CAP2: variants seen among roughly 807,000 people sequenced by gnomAD.
CAP2 encodes cyclase associated actin cytoskeleton regulatory protein 2, also known as adenylyl cyclase-associated protein 2.
Under a neutral mutation model 57.7 loss-of-function variants are expected in CAP2, and 24 were observed. That is an observed-to-expected ratio of 0.42 (90% CI 0.30 to 0.58). CAP2 has a LOEUF of 0.58. Among genes scored for constraint, CAP2 ranks in the 20% least tolerant of loss-of-function variants. The pLI is 0.22. For synonymous variants in CAP2, 194 were observed against 207.2 expected (o/e 0.94, Z 0.55); for missense variants, 501 against 590.3 (o/e 0.85, Z 1.57).
chr6:17,476,875 T>C (rs943611184), intron 4 of CAP2, among the ~76,000 whole-genome samples: 2 of 138,488 alleles, frequency 1.4e-5, no homozygotes, highest in African/African-American at 2.7e-5. Context: ...TTTTTTTTTT[T>C]TTTTTTTTTT....
chr6:17,456,318 A>G (rs1760570011), intron 3 of CAP2, among the ~76,000 whole-genome samples: 1 of 152,240 alleles, frequency 6.6e-6, no homozygotes. Context: ...CTGAAAAGAT[A>G]CAGAAACGGG....
At chr6:17,438,779 CTT>C (rs57945613) in intron 3 of CAP2, among the ~76,000 whole-genome samples, 91,996 of 142,816 alleles carry the variant, frequency 0.64, 31,091 homozygotes, top group East Asian at 0.86. Context: ...ATAAACATAT[CTT>C]TTTTTTTTAT....
At chr6:17,523,004 G>A (rs1762424708) in intron 7 of CAP2, among the ~76,000 whole-genome samples, 2 of 152,144 alleles carry the variant, frequency 1.3e-5, no homozygotes, top group African/African-American at 2.4e-5. Flanking sequence ...AAAGTGCTGG[G>A]ATTACAGGTG....
chr6:17,450,540 T>A (rs1760376348), intron 3 of CAP2, among the ~76,000 whole-genome samples: 1 of 152,244 alleles, frequency 6.6e-6, no homozygotes, highest in South Asian at 2.1e-4. Flanking sequence ...TGGAGCTGTT[T>A]CTTATTGTCA....
intron 3 of CAP2, among the ~76,000 whole-genome samples, chr6:17,444,223 A>G (rs970558001): frequency 5.9e-5 from 9 of 152,226 alleles, no homozygotes; most frequent in Non-Finnish European, 1.2e-4. Flanking sequence ...TTCTAAATAC[A>G]TAAGTGAAAA....
chr6:17,465,871 A>G (rs1561793447), intron 4 of CAP2, among the ~76,000 whole-genome samples: 1 of 152,120 alleles, frequency 6.6e-6, no homozygotes, highest in African/African-American at 2.4e-5. Context: ...CCTCCCCCAT[A>G]TGGCCAGTGT....
At chr6:17,477,940 C>T (rs1005139322) in intron 4 of CAP2, among the ~76,000 whole-genome samples, 4 of 150,082 alleles carry the variant, frequency 2.7e-5, no homozygotes, top group African/African-American at 9.7e-5. Flanking sequence ...AGAGTTTTAA[C>T]TTATATAATT....
intron 3 of CAP2, among the ~76,000 whole-genome samples, chr6:17,456,529 AG>A (rs1760576160): frequency 2.0e-5 from 3 of 152,128 alleles, no homozygotes; most frequent in Admixed American, 2.0e-4. Context: ...GGTAGAGTAG[AG>A]GACCCTAAAC....
At chr6:17,421,278 G>A (rs1759436993) in intron 1 of CAP2, among the ~76,000 whole-genome samples, 1 of 152,022 alleles carries the variant, frequency 6.6e-6, no homozygotes, top group African/African-American at 2.4e-5. Context: ...CTACACATTG[G>A]GTACAGTGTA....
intron 2 of CAP2, among the ~76,000 whole-genome samples, chr6:17,423,645 T>A (rs1456552912): frequency 6.6e-6 from 1 of 152,148 alleles, no homozygotes; most frequent in Non-Finnish European, 1.5e-5. Flanking sequence ...TCTCAATAAT[T>A]TGAACCTCAC....
At chr6:17,425,474 C>G (rs1022377191) in intron 2 of CAP2, among the ~76,000 whole-genome samples, 2 of 152,080 alleles carry the variant, frequency 1.3e-5, no homozygotes, top group East Asian at 1.9e-4. Context: ...TCCTCCTTGC[C>G]CAGAGTTCAT....
At position 17,527,339 on chromosome 6, in the gene CAP2, T is replaced by C. The variant is rs373985023; in HGVS notation, c.637-11930T>C. Among the ~76,000 whole-genome samples, 138 of 152,306 alleles carry C rather than the reference T, an allele frequency of 9.1e-4. 5 individuals carry two copies. In the South Asian group the frequency reaches 0.028, roughly 31 times the overall value. On this transcript the variant is annotated intron_variant, in intron 7 of 12. Transcript: ENST00000229922. The stretch of plus-strand genomic sequence containing the variant: ...CTCTTGAGTTTGTTTCTTTGATGAG[T>C]ATACTCTGCTATCTTTAACCCTGGA...
At chr6:17,548,081 A>G (rs1763093497) in intron 11 of CAP2, among the ~76,000 whole-genome samples, 1 of 151,870 alleles carries the variant, frequency 6.6e-6, no homozygotes, top group Non-Finnish European at 1.5e-5. Context: ...AGAAAATGCA[A>G]TAGAGGCCGA....
At position 17,489,748 on chromosome 6, in the gene CAP2, G is replaced by GA. The variant is rs143271927; in HGVS notation, c.301-17420dup. ...CTCTCATTTAACAAACACTAGCTGA[G>GA]ATTCTATTTGCCAGATCCCAGTCTG... On this transcript the variant is annotated intron_variant, in intron 4 of 12. Transcript: ENST00000229922. Among the ~76,000 whole-genome samples the GA allele has an allele frequency of 4.3e-3, 646 of 151,928 alleles. 3 individuals are homozygous for GA. The highest frequency in any genetic ancestry group is 0.015 in the African/African-American group (620 of 41,430).
At chr6:17,394,505 A>C (rs951331614) in intron 1 of CAP2, among the ~76,000 whole-genome samples, 2 of 152,188 alleles carry the variant, frequency 1.3e-5, no homozygotes, top group Non-Finnish European at 2.9e-5. Context: ...CATTCTTAAA[A>C]ATGAGTATGT....
chr6:17,455,042 G>A (rs1202385996), intron 3 of CAP2, among the ~76,000 whole-genome samples: 3 of 152,130 alleles, frequency 2.0e-5, no homozygotes, highest in Non-Finnish European at 2.9e-5. Flanking sequence ...CCCGCTCCAG[G>A]AATGTCAGGC....
intron 4 of CAP2, chr6:17,493,414 TG>T: frequency 2.8e-6 from 1 of 359,950 alleles, no homozygotes; most frequent in Non-Finnish European, 5.7e-6. Flanking sequence ...GTAATTGACC[TG>T]GGAAATTAAA....
intron 3 of CAP2, among the ~76,000 whole-genome samples, chr6:17,456,558 A>G (rs1231685940): frequency 6.6e-6 from 1 of 152,140 alleles, no homozygotes; most frequent in Non-Finnish European, 1.5e-5. Context: ...CTGAAAACAC[A>G]GTGTCTCTAA....
intron 4 of CAP2, among the ~76,000 whole-genome samples, chr6:17,464,138 A>G (rs1432608564): frequency 1.3e-5 from 2 of 152,224 alleles, no homozygotes; most frequent in African/African-American, 4.8e-5. Context: ...GGTTCATAAT[A>G]ACAACTTTTG....
Sources: gnomAD v4.1 joint callset for allele counts (sites outside exome capture counted in the v4.1 genomes callset) on GRCh38, gnomAD v4.1.1 for gene constraint, MANE v1.5 for transcripts, NCBI Gene and HGNC (gene_info 2026-07-23, HGNC 2026-07-21) for gene names.